GLIPR2: variants seen among roughly 807,000 people sequenced by gnomAD.
The protein encoded by GLIPR2 is Golgi-associated plant pathogenesis-related protein 1.
Under a neutral mutation model 20.4 loss-of-function variants are expected in GLIPR2, and 21 were observed. The observed-to-expected ratio is 1.03, with a 90% confidence interval of 0.73 to 1.48. GLIPR2 has a LOEUF of 1.48. GLIPR2 is among the 40% of genes most tolerant of loss of function. The pLI is 0.00. For missense variants in GLIPR2, 205 were observed against 200.1 expected, an observed-to-expected ratio of 1.02 and a Z score of -0.15; for synonymous variants, 91 against 80.5, an observed-to-expected ratio of 1.13 and a Z score of -0.70.
At chr9:36,152,750 CAAAAAAA>C (rs1217889590) in intron 4 of GLIPR2, among the ~76,000 whole-genome samples, 2 of 41,632 alleles carry the variant, frequency 4.8e-5, no homozygotes, top group African/African-American at 1.1e-4. Context: ...AACTCTGTCT[CAAAAAAA>C]AAAAAAAAAA....
rs772246443 is a variant in GLIPR2, at chr9:36,148,646, G to A, written c.222G>A (p.Gln74=). 1 of 1,608,798 alleles carries A rather than the reference G, an allele frequency of 6.2e-7. No homozygotes were observed. The highest frequency in any genetic ancestry group is 8.5e-7 in the Non-Finnish European group (1 of 1,175,434). ...GENLAWASYD[Q]TGKEVADRWY... ...ACCTTGCATGGGCATCCTATGATCA[G>A]ACAGGTGGGTCGCATTTTCAGCTCC... Residue 74 remains glutamine (Q), a synonymous_variant, in exon 3 of 5, where the codon CAG becomes CAA. Coordinates refer to ENST00000377960, the MANE Select transcript of GLIPR2 (RefSeq NM_022343.4).
At chr9:36,149,076 T>A (rs10814338) in intron 3 of GLIPR2, among the ~76,000 whole-genome samples, 72,548 of 152,064 alleles carry the variant, frequency 0.48, 17,558 homozygotes, top group East Asian at 0.62. Context: ...CCAGTAGTGC[T>A]GGTGTATTAC....
At chr9:36,161,556 A>T (rs1181161680) in intron 4 of GLIPR2, among the ~76,000 whole-genome samples, 2 of 151,152 alleles carry the variant, frequency 1.3e-5, no homozygotes, top group Non-Finnish European at 2.9e-5. Flanking sequence ...GTCCTTCAAT[A>T]TCTATAAGTG....
intron 4 of GLIPR2, among the ~76,000 whole-genome samples, chr9:36,154,320 A>G (rs1035112188): frequency 6.6e-6 from 1 of 152,052 alleles, no homozygotes; most frequent in African/African-American, 2.4e-5. Flanking sequence ...CCAAGAGACA[A>G]CGAGAGATAC....
At chr9:36,143,161 G>T (rs1231546081) in intron 1 of GLIPR2, among the ~76,000 whole-genome samples, 1 of 152,130 alleles carries the variant, frequency 6.6e-6, no homozygotes, top group Admixed American at 6.5e-5. Context: ...AGACTTGAGG[G>T]CCTCCAGCAC....
intron 1 of GLIPR2, among the ~76,000 whole-genome samples, chr9:36,147,218 G>A (rs1283051818): frequency 1.3e-5 from 2 of 151,506 alleles, no homozygotes; most frequent in Non-Finnish European, 2.9e-5. Flanking sequence ...TCGTCTCTTT[G>A]TCTGTCTCTC....
intron 3 of GLIPR2, among the ~76,000 whole-genome samples, chr9:36,149,619 T>A (rs1244228335): frequency 1.3e-5 from 2 of 152,092 alleles, no homozygotes; most frequent in Admixed American, 6.5e-5. Flanking sequence ...CTTGAGCAGG[T>A]CCCTCCCTCC....
intron 1 of GLIPR2, among the ~76,000 whole-genome samples, chr9:36,147,415 T>G (rs1825375040): frequency 6.6e-6 from 1 of 152,228 alleles, no homozygotes; most frequent in African/African-American, 2.4e-5. Flanking sequence ...TCCCCAAATC[T>G]GCTCTGTGTT....
intron 2 of GLIPR2, 24 bp downstream of exon 2, chr9:36,147,918 T>C (rs768279313): frequency 2.8e-6 from 3 of 1,085,278 alleles, no homozygotes; most frequent in Non-Finnish European, 4.3e-6. Context: ...CACATCCGGG[T>C]AACTTGGCCC....
chr9:36,153,969 A>AC (rs1825712356), intron 4 of GLIPR2, among the ~76,000 whole-genome samples: 1 of 150,066 alleles, frequency 6.7e-6, no homozygotes, highest in South Asian at 2.1e-4. Context: ...CCCCAGCCCC[A>AC]CCCAGGCCAG....
At chr9:36,150,548 TAC>T (rs1380471493) in intron 3 of GLIPR2, among the ~76,000 whole-genome samples, 1 of 152,230 alleles carries the variant, frequency 6.6e-6, no homozygotes, top group Non-Finnish European at 1.5e-5. Context: ...CTTTTCATTG[TAC>T]AGAGGCCCAG....
At chr9:36,149,484 G>A (rs1374335030) in intron 3 of GLIPR2, among the ~76,000 whole-genome samples, 1 of 150,836 alleles carries the variant, frequency 6.6e-6, no homozygotes, top group Non-Finnish European at 1.5e-5. Context: ...CTCCCTCCAA[G>A]GCCTTGCCCT....
intron 1 of GLIPR2, among the ~76,000 whole-genome samples, chr9:36,138,072 A>G (rs1282464022): frequency 6.6e-6 from 1 of 152,200 alleles, no homozygotes; most frequent in East Asian, 1.9e-4. Flanking sequence ...AGGTGATATA[A>G]TGGGTTGCCA....
chr9:36,140,452 A>C lies in GLIPR2; in HGVS notation c.13+3661A>C, dbSNP rs543730428. On this transcript the variant is annotated intron_variant, in intron 1 of 4. Coordinates refer to ENST00000377960, the MANE Select transcript of GLIPR2 (RefSeq NM_022343.4). ...TTTCCCTGCTTTGAAGATATTATGA[A>C]AACCACAGATGTCATCCTTCCTTCA... Among the ~76,000 whole-genome samples, 3 of 152,278 alleles carry C rather than the reference A, an allele frequency of 2.0e-5. No individual in the cohort carries two copies. In the East Asian group the frequency reaches 5.8e-4, roughly 29 times the overall value.
intron 4 of GLIPR2, among the ~76,000 whole-genome samples, chr9:36,159,372 T>C (rs1825962902): frequency 6.6e-6 from 1 of 152,234 alleles, no homozygotes; most frequent in African/African-American, 2.4e-5. Flanking sequence ...GCTGCACTTC[T>C]AGTGAAGGCA....
chr9:36,151,224 G>T, intron 4 of GLIPR2, among the ~76,000 whole-genome samples: 1 of 152,180 alleles, frequency 6.6e-6, no homozygotes, highest in South Asian at 2.1e-4. Flanking sequence ...TTCATGGAGT[G>T]TGTCATAGGA....
intron 1 of GLIPR2, among the ~76,000 whole-genome samples, chr9:36,137,039 C>T (rs545314665): frequency 3.9e-4 from 60 of 152,236 alleles, no homozygotes; most frequent in Middle Eastern, 3.4e-3. Context: ...TGAGGGGCTG[C>T]GCGCCGCGGC....
rs1824841488 is a variant in GLIPR2, at chr9:36,136,848, T to C, written c.13+57T>C. On this transcript the variant is annotated intron_variant, in intron 1 of 4. Coordinates refer to ENST00000377960, the MANE Select transcript of GLIPR2 (RefSeq NM_022343.4). This position sits in a 1 kb window ranked among gnomAD's most constrained non-coding sequence, Gnocchi z 4.3. ...GTTCGGAACCCCGCGCTCCCGGACC[T>C]CGCCGTCTCCCTCGTCCGCCGCAAG... is the stretch of plus-strand genomic sequence containing the variant. The C allele has an allele frequency of 1.6e-6, 2 of 1,259,106 alleles. No homozygotes were observed. The highest frequency in any genetic ancestry group is 6.3e-5 in the East Asian group (2 of 31,610). The allele number at this position is 1,259,106 out of a possible 1,614,324, so 78.0% of individuals were successfully genotyped here. A position where few individuals can be genotyped will look rare whatever the true frequency, so the allele number is the denominator to read the frequency against.
At chr9:36,138,225 T>C (rs1342777961) in intron 1 of GLIPR2, among the ~76,000 whole-genome samples, 1 of 152,102 alleles carries the variant, frequency 6.6e-6, no homozygotes, top group Non-Finnish European at 1.5e-5. Context: ...AGGCTACTTT[T>C]TTTTTTTCTT....
Sources: gnomAD v4.1 joint callset for allele counts (sites outside exome capture counted in the v4.1 genomes callset) on GRCh38, gnomAD v4.1.1 for gene constraint, Gnocchi (gnomAD v3.1) non-coding constraint, MANE v1.5 for transcripts, NCBI Gene and HGNC (gene_info 2026-07-23, HGNC 2026-07-21) for gene names.